The following EXOC6B variants were observed in gnomAD, a reference collection of about 807,000 sequenced individuals.
The protein encoded by EXOC6B is SEC15 homolog B.
In EXOC6B, 54 loss-of-function variants were observed where a neutral mutation model predicts 113.5. The ratio of observed to expected loss-of-function variants is 0.48; its 90% CI spans 0.38 to 0.60. The LOEUF (loss-of-function observed/expected upper bound fraction) is 0.60. EXOC6B is among the 20% of genes least tolerant of loss of function. The pLI is 0.00. For synonymous variants in EXOC6B, 357 were observed against 339.0 expected (o/e 1.05, Z -0.58); for missense variants, 797 against 977.5 (o/e 0.82, Z 2.46).
Position 72,179,088 on chromosome 2 carries a change from T to G in EXOC6B, c.*247A>C. On this transcript the variant is annotated 3_prime_UTR_variant, in exon 22 of 22. Coordinates refer to ENST00000272427, the MANE Select transcript of EXOC6B (RefSeq NM_015189.3). ...GTGGAATTGATGATACCACCATCTC[T>G]AAGATAACACAGATAGTGTAGTAAT... 2.3e-6 allele frequency: 1 copy of G among 433,978 alleles called. No homozygotes were observed. Among genetic ancestry groups the G allele is most frequent in the Non-Finnish European group, 4.0e-6 (1 of 248,488 alleles). The allele number at this position is 433,978 out of a possible 1,614,324, so 26.9% of individuals were successfully genotyped here.
intron 1 of EXOC6B, among the ~76,000 whole-genome samples, chr2:72,780,233 AT>A (rs1683944865): frequency 6.6e-6 from 1 of 152,214 alleles, no homozygotes; most frequent in Non-Finnish European, 1.5e-5. Flanking sequence ...AAGAAAAGAA[AT>A]ATAGCTTACT....
At chr2:72,218,356 C>A (rs139334942) in intron 20 of EXOC6B, among the ~76,000 whole-genome samples, 1 of 152,272 alleles carries the variant, frequency 6.6e-6, no homozygotes, top group African/African-American at 2.4e-5. Flanking sequence ...ATTCTTTGAT[C>A]CTGTCTTAAT....
chr2:72,657,286 C>A (rs75371190), intron 6 of EXOC6B, among the ~76,000 whole-genome samples: 1 of 135,194 alleles, frequency 7.4e-6, no homozygotes, highest in Non-Finnish European at 1.5e-5. Flanking sequence ...ACTGCAGTGG[C>A]GCTACCTTGG....
chr2:72,791,606 A>C (rs1039049223), intron 1 of EXOC6B, among the ~76,000 whole-genome samples: 2 of 152,230 alleles, frequency 1.3e-5, no homozygotes, highest in Non-Finnish European at 2.9e-5. Flanking sequence ...TAACATAAAT[A>C]AATAAATTTA....
intron 7 of EXOC6B, 51 bp from the exon 8 acceptor site, chr2:72,559,572 A>G: frequency 6.9e-7 from 1 of 1,453,894 alleles, no homozygotes; most frequent in South Asian, 1.2e-5. Flanking sequence ...TATTAAAAGC[A>G]ACTACATTAA....
rs1688141504 is a variant in EXOC6B, at chr2:72,326,595, G to T, written c.2196+8352C>A. ...TCAAACTGACTGACTTTGCTGTGAG[G>T]CTATCTAGAGTGATGCTGGCACCAC... On this transcript the variant is annotated intron_variant, in intron 20 of 21. Transcript: ENST00000272427. Among the ~76,000 whole-genome samples the T allele has an allele frequency of 2.0e-5, 3 of 152,132 alleles. No homozygotes were observed. In the South Asian group the frequency reaches 6.2e-4, roughly 32 times the overall value.
At chr2:72,747,346 G>C (rs978881027) in intron 1 of EXOC6B, among the ~76,000 whole-genome samples, 5 of 151,992 alleles carry the variant, frequency 3.3e-5, no homozygotes, top group Admixed American at 2.0e-4. Context: ...CTTTCCTGAA[G>C]CATTCAGGAA....
intron 1 of EXOC6B, among the ~76,000 whole-genome samples, chr2:72,790,163 G>A (rs1336405585): frequency 4.6e-5 from 7 of 152,110 alleles, no homozygotes; most frequent in Admixed American, 3.9e-4. Flanking sequence ...GGTATTTCCA[G>A]CCTCTAACAC....
At chr2:72,759,180 G>A (rs905443545) in intron 1 of EXOC6B, among the ~76,000 whole-genome samples, 1 of 152,134 alleles carries the variant, frequency 6.6e-6, no homozygotes, top group African/African-American at 2.4e-5. Context: ...ATAATGGTAG[G>A]AACCAATTCA....
At chr2:72,293,135 ATT>A (rs1238358422) in intron 20 of EXOC6B, among the ~76,000 whole-genome samples, 1 of 152,150 alleles carries the variant, frequency 6.6e-6, no homozygotes, top group Non-Finnish European at 1.5e-5. Flanking sequence ...TGATAGTATC[ATT>A]TTATGTCCCC....
intron 19 of EXOC6B, among the ~76,000 whole-genome samples, chr2:72,375,888 C>T (rs1691327683): frequency 6.6e-6 from 1 of 152,142 alleles, no homozygotes; most frequent in Non-Finnish European, 1.5e-5. Context: ...TCCACATGAG[C>T]TTGCTTAAGT....
rs1455305281 is a variant in EXOC6B, at chr2:72,671,793, AAGAAAGAAAG to A, written c.669+46300_669+46309del. Among the ~76,000 whole-genome samples the A allele has an allele frequency of 9.5e-4, 128 of 134,442 alleles. 2 individuals carry two copies. The highest frequency in any genetic ancestry group is 3.4e-3 in the African/African-American group (121 of 35,100). The allele number at this position is 134,442 out of a possible 152,430, so 88.2% of individuals were successfully genotyped here. On this transcript the variant is annotated intron_variant, in intron 6 of 21. Transcript: ENST00000272427. ...AAAGAAAGAAAGAAAGAAAGAAAGA[AAGAAAGAAAG>A]AAAGAAAGAAAGAAAGAAGAGAAAA...
intron 1 of EXOC6B, among the ~76,000 whole-genome samples, chr2:72,785,632 T>C (rs1286726911): frequency 6.6e-6 from 1 of 152,234 alleles, no homozygotes; most frequent in Non-Finnish European, 1.5e-5. Context: ...CATTGGCCCC[T>C]TTCAACCACA....
chr2:72,338,950 C>CATACAT (rs1356469975), intron 19 of EXOC6B, among the ~76,000 whole-genome samples: 1 of 151,540 alleles, frequency 6.6e-6, no homozygotes, highest in Non-Finnish European at 1.5e-5. Context: ...TACACATACA[C>CATACAT]ATACACATAC....
At chr2:72,313,508 A>G (rs1687334218) in intron 20 of EXOC6B, among the ~76,000 whole-genome samples, 1 of 152,204 alleles carries the variant, frequency 6.6e-6, no homozygotes, top group Non-Finnish European at 1.5e-5. Context: ...AAGACTCACT[A>G]TCTCTGCATA....
intron 18 of EXOC6B, 147 bp from the exon 19 acceptor site, chr2:72,380,017 T>G: frequency 1.4e-6 from 1 of 706,478 alleles, no homozygotes; most frequent in Non-Finnish European, 2.1e-6. Context: ...CAAATAATCT[T>G]GGAATTAAAG....
chr2:72,645,335 A>G (rs555823617), intron 6 of EXOC6B, among the ~76,000 whole-genome samples: 108 of 152,306 alleles, frequency 7.1e-4, no homozygotes, highest in African/African-American at 2.5e-3. Context: ...CCACACAATA[A>G]TAATGGGAGA....
At chr2:72,809,588 T>G (rs1246817275) in intron 1 of EXOC6B, among the ~76,000 whole-genome samples, 1 of 147,680 alleles carries the variant, frequency 6.8e-6, no homozygotes, top group African/African-American at 2.5e-5. Flanking sequence ...TCAATAAAAT[T>G]TAAAACAAAA....
chr2:72,224,757 G>A (rs1681097131), intron 20 of EXOC6B, among the ~76,000 whole-genome samples: 1 of 151,510 alleles, frequency 6.6e-6, no homozygotes. Context: ...AGTCTCCCAA[G>A]CAGCTGGGAC....
Sources: gnomAD v4.1 joint callset for allele counts (sites outside exome capture counted in the v4.1 genomes callset) on GRCh38, gnomAD v4.1.1 for gene constraint, MANE v1.5 for transcripts, NCBI Gene and HGNC (gene_info 2026-07-23, HGNC 2026-07-21) for gene names.